AOAH: variants seen among roughly 807,000 people sequenced by gnomAD.
AOAH encodes acyloxyacyl hydrolase (neutrophil).
Under a neutral mutation model 92.2 loss-of-function variants are expected in AOAH, and 64 were observed. The observed-to-expected ratio is 0.69, with a 90% CI of 0.57 to 0.86. The LOEUF (loss-of-function observed/expected upper bound fraction) is 0.86, where lower values mean the gene tolerates loss of function less well. Among genes scored for constraint, AOAH ranks in the 40% least tolerant of loss-of-function variants. AOAH has a pLI of 0.00. For synonymous variants in AOAH, 263 were observed against 254.5 expected (o/e 1.03, Z -0.32); for missense variants, 656 against 694.6 (o/e 0.94, Z 0.62).
chr7:36,530,047 C>T (rs573558570), intron 19 of AOAH, among the ~76,000 whole-genome samples: 34 of 152,220 alleles, frequency 2.2e-4, no homozygotes, highest in Admixed American at 5.9e-4. Flanking sequence ...TGAGAGGTGC[C>T]ACCATATCCC....
intron 1 of AOAH, among the ~76,000 whole-genome samples, chr7:36,704,203 G>T (rs930165188): frequency 1.3e-5 from 2 of 151,864 alleles, no homozygotes; most frequent in Non-Finnish European, 2.9e-5. Context: ...GGGGTTGTTT[G>T]TTTTTTTCTT....
At chr7:36,591,755 C>A (rs1198596955) in intron 12 of AOAH, among the ~76,000 whole-genome samples, 4 of 152,156 alleles carry the variant, frequency 2.6e-5, no homozygotes, top group Non-Finnish European at 5.9e-5. Flanking sequence ...CCAATAGAAA[C>A]TCAAAATGAC....
intron 10 of AOAH, 59 bp downstream of exon 10, chr7:36,618,238 G>T: frequency 1.3e-6 from 2 of 1,520,688 alleles, no homozygotes; most frequent in South Asian, 2.3e-5. Context: ...ACTTCAATTT[G>T]ACTCAAACTA....
chr7:36,603,496 G>A (rs1364366055), intron 11 of AOAH, among the ~76,000 whole-genome samples: 1 of 152,174 alleles, frequency 6.6e-6, no homozygotes. Context: ...GGTAGCTTGT[G>A]CATGCCTAGC....
chr7:36,517,214 C>CTCTCTTTCTTTTTCTCTT, intron 20 of AOAH, among the ~76,000 whole-genome samples: 1 of 104,894 alleles, frequency 9.5e-6, no homozygotes, highest in Admixed American at 1.0e-4. Flanking sequence ...TTCTTTCTTT[C>CTCTCTTTCTTTTTCTCTT]TCTTTCTTTC....
At chr7:36,541,108 T>C (rs3823760) in intron 15 of AOAH, among the ~76,000 whole-genome samples, 78,987 of 151,994 alleles carry the variant, frequency 0.52, 20,633 homozygotes, top group African/African-American at 0.56. Context: ...GATTAAGTTA[T>C]ATTATACGTC....
At chr7:36,713,921 A>C (rs1276172362) in intron 1 of AOAH, among the ~76,000 whole-genome samples, 4 of 152,210 alleles carry the variant, frequency 2.6e-5, no homozygotes, top group Non-Finnish European at 4.4e-5. Flanking sequence ...AAAGAACTAG[A>C]GAAGCAAGAG....
At chr7:36,687,962 T>C (rs766546507) in intron 1 of AOAH, among the ~76,000 whole-genome samples, 3 of 152,160 alleles carry the variant, frequency 2.0e-5, no homozygotes, top group Non-Finnish European at 4.4e-5. Flanking sequence ...TGCTGCAATA[T>C]CTGATGGTGT....
intron 13 of AOAH, among the ~76,000 whole-genome samples, chr7:36,572,126 T>C (rs772340623): frequency 3.9e-5 from 6 of 152,186 alleles, no homozygotes; most frequent in Non-Finnish European, 8.8e-5. Flanking sequence ...TGAAGATCTG[T>C]ACATCTATTA....
intron 12 of AOAH, among the ~76,000 whole-genome samples, chr7:36,577,315 C>T (rs1391074646): frequency 1.3e-5 from 2 of 152,116 alleles, no homozygotes; most frequent in Non-Finnish European, 2.9e-5. Flanking sequence ...CTGGTTCCTT[C>T]TTTGTACCCT....
chr7:36,701,977 A>G (rs1223039662), intron 1 of AOAH, among the ~76,000 whole-genome samples: 1 of 152,080 alleles, frequency 6.6e-6, no homozygotes, highest in African/African-American at 2.4e-5. Flanking sequence ...TACAATGTGC[A>G]TCTTTACCTT....
At chr7:36,702,562 TA>T (rs1798093566) in intron 1 of AOAH, among the ~76,000 whole-genome samples, 1 of 152,226 alleles carries the variant, frequency 6.6e-6, no homozygotes. Flanking sequence ...TTTGGTTTCC[TA>T]GTGCATATAA....
intron 7 of AOAH, among the ~76,000 whole-genome samples, chr7:36,622,134 G>A (rs773816594): frequency 4.6e-5 from 7 of 152,076 alleles, no homozygotes; most frequent in African/African-American, 1.7e-4. Flanking sequence ...ATATGCATGT[G>A]TGTGTTTATG....
intron 4 of AOAH, among the ~76,000 whole-genome samples, chr7:36,643,299 C>T (rs1157117559): frequency 6.6e-6 from 1 of 152,148 alleles, no homozygotes; most frequent in East Asian, 1.9e-4. Context: ...GTGCCTTTCC[C>T]ACCACTGAAA....
At chr7:36,595,767 G>A (rs952036604) in intron 11 of AOAH, among the ~76,000 whole-genome samples, 1 of 151,802 alleles carries the variant, frequency 6.6e-6, no homozygotes, top group African/African-American at 2.4e-5. Context: ...TTCCCTTTTT[G>A]CCTTCGCTGA....
At chr7:36,631,384 G>T (rs1793087568) in intron 6 of AOAH, among the ~76,000 whole-genome samples, 1 of 151,906 alleles carries the variant, frequency 6.6e-6, no homozygotes, top group African/African-American at 2.4e-5. Context: ...TTAGTGGAGG[G>T]TAGACCCCAT....
At chr7:36,649,205 C>T (rs1403594371) in intron 4 of AOAH, among the ~76,000 whole-genome samples, 1 of 152,190 alleles carries the variant, frequency 6.6e-6, no homozygotes, top group African/African-American at 2.4e-5. Context: ...TGAATTGCCT[C>T]TCACAGGTAG....
chr7:36,535,088 G>C lies in AOAH; in HGVS notation c.1307-2744C>G, dbSNP rs956569865. On this transcript the variant is annotated intron_variant, in intron 16 of 20. Transcript: ENST00000617537. Reference sequence around the variant, plus strand: ...TGTATCCGTGTGTGTCTGTGTCTCTGTGTGTGTGTTTGTGTGTGTCTGTGT... The same window carrying C: ...TGTATCCGTGTGTGTCTGTGTCTCTCTGTGTGTGTTTGTGTGTGTCTGTGT... 6.5e-5 allele frequency among the ~76,000 whole-genome samples: 7 copies of C among 107,040 alleles called. 1 individual carries two copies. Among genetic ancestry groups the C allele is most frequent in the African/African-American group, 8.9e-5 (3 of 33,546 alleles). The allele number at this position is 107,040 out of a possible 152,430, so 70.2% of individuals were successfully genotyped here. A position where few individuals can be genotyped will look rare whatever the true frequency, so the allele number is the denominator to read the frequency against.
chr7:36,534,960 G>GTGTT (rs386409910), intron 16 of AOAH, among the ~76,000 whole-genome samples: 1 of 150,640 alleles, frequency 6.6e-6, no homozygotes, highest in African/African-American at 2.4e-5. Flanking sequence ...GTGTGTATCT[G>GTGTT]TGTCTGTGTC....
Sources: gnomAD v4.1 joint callset for allele counts (sites outside exome capture counted in the v4.1 genomes callset) on GRCh38, gnomAD v4.1.1 for gene constraint, MANE v1.5 for transcripts, NCBI Gene and HGNC (gene_info 2026-07-23, HGNC 2026-07-21) for gene names.